The following AGMO variants were observed in gnomAD, a reference collection of about 807,000 sequenced individuals.
The protein encoded by AGMO is glyceryl-ether monooxygenase.
Under a neutral mutation model 60.2 loss-of-function variants are expected in AGMO, and 75 were observed. The ratio of observed to expected loss-of-function variants is 1.25; its 90% confidence interval spans 1.03 to 1.51. The LOEUF (loss-of-function observed/expected upper bound fraction) is 1.51, where lower values mean the gene tolerates loss of function less well. AGMO is among the 40% of genes most tolerant of loss of function. The pLI, the probability that AGMO is intolerant of heterozygous loss-of-function variation, is 0.00. For synonymous variants in AGMO, 261 were observed against 177.1 expected (o/e 1.47, Z -3.76); for missense variants, 763 against 525.5 (o/e 1.45, Z -4.42).
intron 5 of AGMO, among the ~76,000 whole-genome samples, chr7:15,406,371 T>C (rs1458941572): frequency 1.4e-3 from 196 of 142,046 alleles, no homozygotes; most frequent in Non-Finnish European, 2.4e-3. Flanking sequence ...TATACACACA[T>C]ACATATGAAT....
chr7:15,266,574 T>A lies in AGMO; in HGVS notation c.1264-65215A>T, dbSNP rs145869496. 4.6e-5 allele frequency among the ~76,000 whole-genome samples: 7 copies of A among 152,026 alleles called. No individual in the cohort carries two copies. In the East Asian group the frequency reaches 7.7e-4, roughly 17 times the overall value. ...TTTCCATTTGTCTTCTGCTCAGTGA[T>A]TGTCAGTTTCAGCTGCTTTCTCGGG... On this transcript the variant is annotated intron_variant, in intron 12 of 12. Transcript: ENST00000342526.
intron 12 of AGMO, among the ~76,000 whole-genome samples, chr7:15,276,574 T>C (rs1205465466): frequency 6.6e-6 from 1 of 152,200 alleles, no homozygotes; most frequent in South Asian, 2.1e-4. Context: ...AATCTGGATG[T>C]CTACATCTCT....
At chr7:15,174,075 CAT>C in the AGMO span, among the ~76,000 whole-genome samples, 6 of 151,956 alleles carry the variant, frequency 3.9e-5, no homozygotes, top group African/African-American at 1.2e-4. Context: ...ATTGGGAACA[CAT>C]GTTTCTTGAT....
chr7:15,281,613 C>T (rs1934825717), intron 12 of AGMO, among the ~76,000 whole-genome samples: 1 of 152,066 alleles, frequency 6.6e-6, no homozygotes, highest in Admixed American at 6.6e-5. Context: ...CTACTCTTTC[C>T]CTGACAAGAC....
In AGMO at chr7:15,385,496, G is replaced by A. The variant is rs773081953; in HGVS notation, c.1024C>T (p.Gln342Ter). 8 of 1,613,164 alleles carry A rather than the reference G, an allele frequency of 5.0e-6. No individual in the cohort carries two copies. The highest frequency in any genetic ancestry group is 5.9e-6 in the Non-Finnish European group (7 of 1,179,374). ...TAAAATGCCAACATCAGAGCAAACT[G>A]TACAACTGTATATATCTTTAATAGC... ...SQLLKIYTVV[Q>*]FALMLAFYEE... Residue 342 changes from glutamine (Q) to a stop codon, truncating the protein, a stop_gained, in exon 10 of 13, where the codon CAG (glutamine) becomes TAG (stop). Transcript: ENST00000342526. LOFTEE classifies it high-confidence loss of function.
intron 4 of AGMO, among the ~76,000 whole-genome samples, chr7:15,421,100 C>A (rs1780909399): frequency 1.3e-5 from 2 of 152,210 alleles, no homozygotes; most frequent in East Asian, 1.9e-4. Flanking sequence ...AACAATATGG[C>A]ATTTAGGGGA....
At chr7:15,389,629 T>A (rs566358480) in intron 8 of AGMO, among the ~76,000 whole-genome samples, 23 of 152,280 alleles carry the variant, frequency 1.5e-4, no homozygotes, top group Admixed American at 3.9e-4. Context: ...GAGGCAGCAC[T>A]GTGTATCAGT....
intron 12 of AGMO, among the ~76,000 whole-genome samples, chr7:15,356,343 C>T (rs1301566932): frequency 2.0e-5 from 3 of 151,988 alleles, no homozygotes; most frequent in Admixed American, 1.3e-4. Flanking sequence ...AACCAATTTA[C>T]AGGAATAGAA....
intron 3 of AGMO, among the ~76,000 whole-genome samples, chr7:15,506,216 T>G (rs952099548): frequency 2.6e-5 from 4 of 152,068 alleles, no homozygotes; most frequent in Non-Finnish European, 4.4e-5. Context: ...AATTGAGCAT[T>G]TACTCTGTGC....
At position 15,532,611 on chromosome 7, in the gene AGMO, C is replaced by T. The variant is rs551265573; in HGVS notation, c.409+12161G>A. ...GGACTGACACACATATTTTGTTTTG[C>T]TGTGGCTGATTCCAGTGAAGAAGAT... On this transcript the variant is annotated intron_variant, in intron 3 of 12. Transcript: ENST00000342526. 7.8e-4 allele frequency among the ~76,000 whole-genome samples: 119 copies of T among 152,178 alleles called. 2 individuals are homozygous for T. The South Asian group carries it at 0.023, about 30-fold the overall frequency.
At chr7:15,125,417 C>T in the AGMO span, among the ~76,000 whole-genome samples, 13 of 152,198 alleles carry the variant, frequency 8.5e-5, no homozygotes, top group South Asian at 6.2e-4. Flanking sequence ...AGCCCCATAG[C>T]TTAATGCTAA....
intron 3 of AGMO, among the ~76,000 whole-genome samples, chr7:15,479,006 A>G (rs1182096954): frequency 6.6e-6 from 1 of 152,186 alleles, no homozygotes; most frequent in African/African-American, 2.4e-5. Flanking sequence ...ACGAGCTAAT[A>G]AACATTGCAC....
At chr7:15,219,008 G>C (rs1045885759) in intron 12 of AGMO, among the ~76,000 whole-genome samples, 1 of 152,148 alleles carries the variant, frequency 6.6e-6, no homozygotes, top group African/African-American at 2.4e-5. Context: ...AACAAGTCAG[G>C]TAAAGCTGTC....
intron 10 of AGMO, among the ~76,000 whole-genome samples, chr7:15,373,807 C>T (rs1583472793): frequency 6.6e-6 from 1 of 152,064 alleles, no homozygotes; most frequent in South Asian, 2.1e-4. Context: ...CTTATTAAAA[C>T]AAGTTGGTAC....
chr7:15,369,766 T>G (rs576777783), intron 10 of AGMO, among the ~76,000 whole-genome samples: 69 of 152,142 alleles, frequency 4.5e-4, no homozygotes, highest in Non-Finnish European at 7.5e-4. Flanking sequence ...CACTGTCGTA[T>G]CCCAAGGGCC....
chr7:15,393,651 ACTGAG>A (rs1376069282), intron 6 of AGMO, among the ~76,000 whole-genome samples: 17 of 152,288 alleles, frequency 1.1e-4, no homozygotes, highest in Middle Eastern at 3.4e-3. Context: ...CGCAGCTTAT[ACTGAG>A]ATTGTTCAAC....
chr7:15,389,310 CTTT>C (rs1784047989), intron 8 of AGMO, among the ~76,000 whole-genome samples: 1 of 128,954 alleles, frequency 7.8e-6, no homozygotes, highest in African/African-American at 3.0e-5. Context: ...GAAGGTGTCT[CTTT>C]TTTAATGACT....
chr7:15,338,749 G>GT (rs1325069062), intron 12 of AGMO, among the ~76,000 whole-genome samples: 3 of 152,102 alleles, frequency 2.0e-5, no homozygotes, highest in African/African-American at 7.2e-5. Flanking sequence ...TTAACCTCTT[G>GT]TAACTACTGG....
chr7:15,437,462 A>G (rs538096406), intron 3 of AGMO, among the ~76,000 whole-genome samples: 121 of 151,602 alleles, frequency 8.0e-4, no homozygotes, highest in African/African-American at 2.6e-3. Context: ...CACATTTTGT[A>G]TATTTGTATA....
Sources: allele counts gnomAD v4.1 joint callset (sites outside exome capture counted in the v4.1 genomes callset), GRCh38; gene constraint gnomAD v4.1.1; transcripts MANE v1.5; gene names NCBI Gene and HGNC (gene_info 2026-07-23, HGNC 2026-07-21).